PLSCR2: variants seen among roughly 807,000 people sequenced by gnomAD.
PLSCR2 encodes PL scramblase 2.
Under a neutral mutation model 25.3 loss-of-function variants are expected in PLSCR2, and 18 were observed. The ratio of observed to expected loss-of-function variants is 0.71; its 90% CI spans 0.49 to 1.06. The LOEUF is 1.06. PLSCR2 is among the 50% of genes least tolerant of loss of function. The pLI, the probability that PLSCR2 is intolerant of heterozygous loss-of-function variation, is 0.00. For synonymous variants in PLSCR2, 88 were observed against 87.3 expected, an observed-to-expected ratio of 1.01 and a Z score of -0.04; for missense variants, 243 against 269.5, an observed-to-expected ratio of 0.90 and a Z score of 0.69.
downstream of PLSCR2, among the ~76,000 whole-genome samples, chr3:146,431,395 A>C (rs1330624530): frequency 6.6e-6 from 1 of 152,190 alleles, no homozygotes; most frequent in Non-Finnish European, 1.5e-5. Flanking sequence ...AAACATACCC[A>C]GACACAACTC....
chr3:146,441,289 T>C (rs767766958), downstream of PLSCR2, among the ~76,000 whole-genome samples: 1 of 152,128 alleles, frequency 6.6e-6, no homozygotes, highest in Non-Finnish European at 1.5e-5. Context: ...TTTAGCATGG[T>C]AAAAGAAACT....
In PLSCR2 at chr3:146,454,004, CA is replaced by C; in HGVS notation, c.480del (p.Phe160LeufsTer23). ...ATAAACATTATGACATCTCTTACCT[CA>C]AAATCAACACCCGCAATACAGCTGC... On this transcript the variant is annotated frameshift_variant, in exon 5 of 7. Coordinates refer to ENST00000610787, the Ensembl canonical transcript of PLSCR2. LOFTEE classifies it high-confidence loss of function. 1 of 1,564,704 alleles carries C rather than the reference CA, an allele frequency of 6.4e-7. No individual in the cohort carries two copies. The highest frequency in any genetic ancestry group is 1.2e-5 in the South Asian group (1 of 81,062).
upstream of PLSCR2, among the ~76,000 whole-genome samples, chr3:146,464,951 C>A (rs2041795144): frequency 6.6e-6 from 1 of 152,138 alleles, no homozygotes; most frequent in South Asian, 2.1e-4. Context: ...ACCTCCTGCA[C>A]TAGGCTTCAA....
At chr3:146,445,060 AT>A (rs2040467320) in intron 6 of PLSCR2, among the ~76,000 whole-genome samples, 1 of 152,084 alleles carries the variant, frequency 6.6e-6, no homozygotes, top group Non-Finnish European at 1.5e-5. Flanking sequence ...CTACACTTTA[AT>A]TTCATTGTCC....
chr3:146,487,513 C>T (rs1053253304), intron 1 of PLSCR2, among the ~76,000 whole-genome samples: 1 of 151,930 alleles, frequency 6.6e-6, no homozygotes, highest in Non-Finnish European at 1.5e-5. Flanking sequence ...ATAAGCATTC[C>T]TATAGACCAA....
At chr3:146,410,541 T>A (rs1009592786) in intron 2 of PLSCR2, among the ~76,000 whole-genome samples, 17 of 152,172 alleles carry the variant, frequency 1.1e-4, no homozygotes, top group African/African-American at 3.9e-4. Context: ...CTGGCAGAAA[T>A]GACAGGACTG....
At chr3:146,454,887 C>T (rs1344335010) in intron 4 of PLSCR2, among the ~76,000 whole-genome samples, 1 of 152,100 alleles carries the variant, frequency 6.6e-6, no homozygotes, top group East Asian at 1.9e-4. Context: ...TCCTAGAATG[C>T]TATTTTAGGA....
intron 5 of PLSCR2, among the ~76,000 whole-genome samples, chr3:146,452,256 G>C (rs1026287658): frequency 1.3e-5 from 2 of 151,846 alleles, no homozygotes; most frequent in Non-Finnish European, 2.9e-5. Context: ...CCACACATTT[G>C]GTATCAGAAG....
chr3:146,477,581 G>A (rs1414246644), intron 1 of PLSCR2, among the ~76,000 whole-genome samples: 1 of 152,228 alleles, frequency 6.6e-6, no homozygotes, highest in African/African-American at 2.4e-5. Flanking sequence ...AAGTGGCCAG[G>A]AAGCTTGAAC....
upstream of PLSCR2, among the ~76,000 whole-genome samples, chr3:146,461,556 ATAAG>A (rs2041575243): frequency 6.6e-6 from 1 of 152,204 alleles, no homozygotes; most frequent in African/African-American, 2.4e-5. Flanking sequence ...AGGACAGAGG[ATAAG>A]TAAGTTACTT....
chr3:146,489,563 T>G (rs1188107724), intron 1 of PLSCR2, among the ~76,000 whole-genome samples: 1 of 152,130 alleles, frequency 6.6e-6, no homozygotes, highest in Admixed American at 6.6e-5. Flanking sequence ...ATTTCTCTCT[T>G]TCTCTCTGTT....
chr3:146,454,574 G>A (rs903782808), intron 4 of PLSCR2, among the ~76,000 whole-genome samples: 21 of 152,200 alleles, frequency 1.4e-4, no homozygotes, highest in African/African-American at 4.3e-4. Context: ...ATGGTGTTGC[G>A]CCAATGGGAT....
downstream of PLSCR2, among the ~76,000 whole-genome samples, chr3:146,438,196 A>G (rs139439588): frequency 3.2e-3 from 483 of 152,246 alleles, 4 homozygotes; most frequent in African/African-American, 0.011. Flanking sequence ...ACTTCCAACT[A>G]TGTGGTCAAT....
chr3:146,398,231 T>A (rs2038337505), intron 2 of PLSCR2, among the ~76,000 whole-genome samples: 1 of 151,916 alleles, frequency 6.6e-6, no homozygotes, highest in Non-Finnish European at 1.5e-5. Context: ...GGATGTTGGC[T>A]ATAATCTGAG....
chr3:146,466,597 G>T (rs1447429710), intron 1 of PLSCR2, among the ~76,000 whole-genome samples: 2 of 152,180 alleles, frequency 1.3e-5, no homozygotes, highest in South Asian at 2.1e-4. Context: ...CAACAAAAAT[G>T]AGTCTTAAAG....
chr3:146,478,988 C>T (rs144181305), intron 1 of PLSCR2, among the ~76,000 whole-genome samples: 3,016 of 152,174 alleles, frequency 0.02, 87 homozygotes, highest in African/African-American at 0.069. Context: ...CATATCCAGC[C>T]AAACTAAGCT....
downstream of PLSCR2, among the ~76,000 whole-genome samples, chr3:146,439,264 C>T (rs953705823): frequency 2.0e-5 from 3 of 152,100 alleles, no homozygotes; most frequent in Admixed American, 2.0e-4. Context: ...TGGAGTTGCT[C>T]CTCTCGAGGA....
chr3:146,473,775 C>T (rs2042197195), intron 1 of PLSCR2, among the ~76,000 whole-genome samples: 1 of 152,220 alleles, frequency 6.6e-6, no homozygotes, highest in Admixed American at 6.5e-5. Flanking sequence ...GTGTTTCCCA[C>T]ATCCAGAGTT....
At chr3:146,486,157 C>G (rs2043332241) in intron 1 of PLSCR2, among the ~76,000 whole-genome samples, 1 of 152,138 alleles carries the variant, frequency 6.6e-6, no homozygotes, top group South Asian at 2.1e-4. Context: ...CTCTGGGACA[C>G]AGCTAAAGCC....
Sources: allele counts gnomAD v4.1 joint callset (sites outside exome capture counted in the v4.1 genomes callset), GRCh38; gene constraint gnomAD v4.1.1; transcripts MANE v1.5; gene names NCBI Gene and HGNC (gene_info 2026-07-23, HGNC 2026-07-21).